The following GLYATL2 variants were observed in gnomAD, a reference collection of about 807,000 sequenced individuals.
GLYATL2 encodes the protein glycine-N-acyltransferase like 2, also known as glycine N-acyltransferase-like protein 2.
In GLYATL2, 25 loss-of-function variants were observed where a neutral mutation model predicts 21.4. The ratio of observed to expected loss-of-function variants is 1.17; its 90% CI spans 0.85 to 1.63. The LOEUF is 1.63. GLYATL2 is among the 40% of genes most tolerant of loss of function. The pLI, the probability that GLYATL2 is intolerant of heterozygous loss-of-function variation, is 0.00. For synonymous variants in GLYATL2, 114 were observed against 118.2 expected (o/e 0.96, Z 0.23); for missense variants, 361 against 343.3 (o/e 1.05, Z -0.41).
upstream of GLYATL2, among the ~76,000 whole-genome samples, chr11:58,846,239 T>TA (rs199932835): frequency 0.012 from 1,842 of 152,260 alleles, 37 homozygotes; most frequent in African/African-American, 0.04. Context: ...TAAATTTTTT[T>TA]TATATAGTTT....
At chr11:58,908,162 CA>C (rs1379631493), upstream of GLYATL2, 7 of 152,250 alleles carry the variant, frequency 4.6e-5, no homozygotes, top group African/African-American at 1.4e-4. Context: ...TGGCCTCCCA[CA>C]ACTCCCAGCT....
intron 1 of GLYATL2, among the ~76,000 whole-genome samples, chr11:58,895,561 G>A (rs1368014417): frequency 1.3e-5 from 2 of 152,154 alleles, no homozygotes; most frequent in Non-Finnish European, 2.9e-5. Flanking sequence ...TTGTCTCTAA[G>A]TCTAGAGGCT....
upstream of GLYATL2, among the ~76,000 whole-genome samples, chr11:58,848,150 A>T (rs1175979123): frequency 6.6e-6 from 1 of 152,060 alleles, no homozygotes; most frequent in Non-Finnish European, 1.5e-5. Context: ...TGGGCTTGGG[A>T]TGCTCTCTGA....
upstream of GLYATL2, chr11:58,905,387 C>A (rs955749573): frequency 6.8e-6 from 3 of 442,212 alleles, no homozygotes; most frequent in Admixed American, 2.4e-5. Context: ...GCCGCTGGAT[C>A]CCGCCTGGAT....
In GLYATL2 at chr11:58,890,399, G is replaced by C. The variant is rs114634150; in HGVS notation, n.60+13757C>G. Reference sequence around the variant, plus strand: ...GTTCATTGCTGCACTGTTCACAATAGGAAAGAAATGAAATCAACCGAGGTG... The same window carrying C: ...GTTCATTGCTGCACTGTTCACAATACGAAAGAAATGAAATCAACCGAGGTG... On this transcript the variant is annotated intron_variant and non_coding_transcript_variant, in intron 1 of 4. Coordinates refer to the GLYATL2 transcript ENST00000533636. Among the ~76,000 whole-genome samples, 760 of 152,050 alleles carry C rather than the reference G, an allele frequency of 5.0e-3. 7 individuals carry two copies. Among genetic ancestry groups the C allele is most frequent in the African/African-American group, 0.017 (719 of 41,488 alleles).
upstream of GLYATL2, among the ~76,000 whole-genome samples, chr11:58,905,071 A>T (rs61892604): frequency 0.16 from 23,908 of 152,184 alleles, 2,043 homozygotes; most frequent in East Asian, 0.31. Flanking sequence ...TCTTCATCCG[A>T]AGGGTAAAGT....
chr11:58,896,029 T>C (rs187124652), intron 1 of GLYATL2, among the ~76,000 whole-genome samples: 1 of 152,148 alleles, frequency 6.6e-6, no homozygotes, highest in African/African-American at 2.4e-5. Flanking sequence ...ATTTGTTTCA[T>C]ATTTTTTTAG....
intron 1 of GLYATL2, among the ~76,000 whole-genome samples, chr11:58,888,084 CATATT>C (rs1854474602): frequency 6.6e-6 from 1 of 152,026 alleles, no homozygotes; most frequent in Admixed American, 6.6e-5. Context: ...TAATATTCAA[CATATT>C]ATATTTTCAT....
intron 1 of GLYATL2, among the ~76,000 whole-genome samples, chr11:58,889,563 T>C (rs1204077173): frequency 6.6e-6 from 1 of 152,126 alleles, no homozygotes; most frequent in Non-Finnish European, 1.5e-5. Context: ...CCTACATTCA[T>C]AGAACTTATA....
At chr11:58,885,388 C>G (rs778931733) in intron 1 of GLYATL2, 2 of 365,872 alleles carry the variant, frequency 5.5e-6, no homozygotes, top group Non-Finnish European at 1.1e-5. Context: ...AGATCCCCAT[C>G]TCTAGGGATC....
chr11:58,883,947 A>G (rs1376718114), intron 1 of GLYATL2, among the ~76,000 whole-genome samples: 1 of 152,222 alleles, frequency 6.6e-6, no homozygotes, highest in Non-Finnish European at 1.5e-5. Context: ...CATCATATAA[A>G]CACAACCAAA....
chr11:58,902,975 C>T (rs1367339256), intron 1 of GLYATL2, among the ~76,000 whole-genome samples: 1 of 152,160 alleles, frequency 6.6e-6, no homozygotes, highest in Admixed American at 6.5e-5. Flanking sequence ...AAAGGAAAAT[C>T]AAAGCTAGAG....
chr11:58,877,975 C>T (rs1208696807), intron 1 of GLYATL2, among the ~76,000 whole-genome samples: 1 of 152,194 alleles, frequency 6.6e-6, no homozygotes, highest in Non-Finnish European at 1.5e-5. Flanking sequence ...GAATGTTGGC[C>T]AATCCCAGCA....
At chr11:58,904,343 A>G (rs1854804548), upstream of GLYATL2, 1 of 152,240 alleles carries the variant, frequency 6.6e-6, no homozygotes, top group Admixed American at 6.5e-5. Flanking sequence ...TTTCATATTT[A>G]TAACAAAATC....
At chr11:58,899,775 TAA>T (rs1277102527) in intron 1 of GLYATL2, among the ~76,000 whole-genome samples, 1 of 152,044 alleles carries the variant, frequency 6.6e-6, no homozygotes, top group East Asian at 1.9e-4. Context: ...AATAAGAAAT[TAA>T]GTGTGCCTAA....
At chr11:58,874,091 T>C (rs1854178468) in intron 1 of GLYATL2, among the ~76,000 whole-genome samples, 1 of 152,218 alleles carries the variant, frequency 6.6e-6, no homozygotes, top group South Asian at 2.1e-4. Context: ...TTTATAGTAT[T>C]CTTGATGGTA....
At chr11:58,850,084 T>A (rs1265957532) in intron 1 of GLYATL2, among the ~76,000 whole-genome samples, 1 of 152,142 alleles carries the variant, frequency 6.6e-6, no homozygotes, top group East Asian at 1.9e-4. Flanking sequence ...AGTCCAATAT[T>A]TCTGATGAAT....
At chr11:58,894,720 T>A (rs1405724307) in intron 1 of GLYATL2, among the ~76,000 whole-genome samples, 1 of 152,130 alleles carries the variant, frequency 6.6e-6, no homozygotes, top group African/African-American at 2.4e-5. Flanking sequence ...AAAACTCCAA[T>A]TCATCTTAGA....
rs1893633 is a variant in GLYATL2 at position 58,844,678 on chromosome 11, A to G, written c.-285T>C. The G allele has an allele frequency of 0.99, 150,805 of 152,350 alleles. 74,663 individuals carry two copies. The highest frequency in any genetic ancestry group is 1 in the Middle Eastern group (294 of 294). The allele number at this position is 152,350 out of a possible 1,614,324, so 9.4% of individuals were successfully genotyped here. A position where few individuals can be genotyped will look rare whatever the true frequency, so the allele number is the denominator to read the frequency against. ...CAGAGGAGGACTGAGAATATGTTCC[A>G]TATTGAGCAGCTTCTACAATTCTAA... On this transcript the variant is annotated 5_prime_UTR_variant, in exon 1 of 6. It removes an upstream start codon present in the reference 5' UTR. Coordinates refer to ENST00000287275, the MANE Select transcript of GLYATL2 (RefSeq NM_145016.4).
Sources: allele counts gnomAD v4.1 joint callset (sites outside exome capture counted in the v4.1 genomes callset), GRCh38; gene constraint gnomAD v4.1.1; transcripts MANE v1.5; gene names NCBI Gene and HGNC (gene_info 2026-07-23, HGNC 2026-07-21).